LRRC69: variants seen among roughly 807,000 people sequenced by gnomAD.
LRRC69 encodes the protein leucine-rich repeat-containing protein 69.
LRRC69 carries 42 observed loss-of-function variants against 37.8 expected under a neutral mutation model. The ratio of observed to expected loss-of-function variants is 1.11; its 90% CI spans 0.87 to 1.44. The LOEUF is 1.44. LRRC69 is among the 40% of genes most tolerant of loss of function. The pLI is 0.00. For missense variants in LRRC69, 357 were observed against 401.9 expected, an observed-to-expected ratio of 0.89 and a Z score of 0.96; for synonymous variants, 141 against 143.1, an observed-to-expected ratio of 0.99 and a Z score of 0.11.
At chr8:91,214,638 GA>G in intron 7 of LRRC69, among the ~76,000 whole-genome samples, 1 of 152,226 alleles carries the variant, frequency 6.6e-6, no homozygotes, top group South Asian at 2.1e-4. Context: ...TTTGGACAAT[GA>G]AGGGATTAGA....
intron 5 of LRRC69, among the ~76,000 whole-genome samples, chr8:91,182,179 C>A (rs1355342428): frequency 2.0e-5 from 3 of 151,904 alleles, no homozygotes; most frequent in Non-Finnish European, 2.9e-5. Flanking sequence ...ACTATACAAC[C>A]CATTGACAAC....
At chr8:91,150,512 T>A (rs924354075) in intron 5 of LRRC69, among the ~76,000 whole-genome samples, 4 of 152,044 alleles carry the variant, frequency 2.6e-5, no homozygotes, top group Non-Finnish European at 5.9e-5. Context: ...GATTTTTGCG[T>A]CAATGTTCAT....
intron 5 of LRRC69, chr8:91,158,349 A>T: frequency 6.9e-7 from 1 of 1,454,440 alleles, no homozygotes; most frequent in Non-Finnish European, 9.6e-7. Context: ...TTTGATGAGA[A>T]TGAATCTTGG....
chr8:91,130,404 A>G (rs917806105), intron 3 of LRRC69: 3 of 152,018 alleles, frequency 2.0e-5, no homozygotes, highest in African/African-American at 7.2e-5. Flanking sequence ...CCTCCCGAGT[A>G]GCTGGTATTA....
chr8:91,114,794 C>T (rs952533656), intron 1 of LRRC69, among the ~76,000 whole-genome samples: 1 of 151,906 alleles, frequency 6.6e-6, no homozygotes, highest in Non-Finnish European at 1.5e-5. Flanking sequence ...AATTGCCTAA[C>T]GATGCATTTC....
chr8:91,119,339 A>G (rs1000397525), intron 1 of LRRC69, among the ~76,000 whole-genome samples: 2 of 152,050 alleles, frequency 1.3e-5, no homozygotes, highest in African/African-American at 2.4e-5. Context: ...AGAGACATTT[A>G]TGAATTTAAA....
chr8:91,154,955 AT>A (rs1563607538), intron 5 of LRRC69, among the ~76,000 whole-genome samples: 1 of 151,696 alleles, frequency 6.6e-6, no homozygotes, highest in Non-Finnish European at 1.5e-5. Flanking sequence ...AGATGACACG[AT>A]CCTATATCCA....
At chr8:91,165,007 C>T (rs1809003811) in intron 5 of LRRC69, among the ~76,000 whole-genome samples, 1 of 151,576 alleles carries the variant, frequency 6.6e-6, no homozygotes, top group South Asian at 2.1e-4. Context: ...CCTATAGGCT[C>T]ACTTTAGAAA....
At chr8:91,176,134 A>ATATATATATATATATTTTTTTTT in intron 5 of LRRC69, among the ~76,000 whole-genome samples, 3 of 75,700 alleles carry the variant, frequency 4.0e-5, no homozygotes, top group East Asian at 3.4e-4. Context: ...ATATATATAT[A>ATATATATATATATATTTTTTTTT]TTTTTTTTTT....
At chr8:91,136,652 C>G (rs1438296139) in intron 5 of LRRC69, among the ~76,000 whole-genome samples, 1 of 151,988 alleles carries the variant, frequency 6.6e-6, no homozygotes, top group Non-Finnish European at 1.5e-5. Context: ...ATCCATTCAA[C>G]TCCAACTCCC....
chr8:91,137,926 A>C (rs1224759577), intron 5 of LRRC69, among the ~76,000 whole-genome samples: 1 of 152,060 alleles, frequency 6.6e-6, no homozygotes, highest in Non-Finnish European at 1.5e-5. Flanking sequence ...CTTTTTGTGA[A>C]ACACAGTAGT....
intron 5 of LRRC69, among the ~76,000 whole-genome samples, chr8:91,166,422 G>A (rs1276303231): frequency 6.8e-6 from 1 of 146,734 alleles, no homozygotes; most frequent in Non-Finnish European, 1.5e-5. Context: ...TACATATATG[G>A]GAGTCCTCTG....
intron 1 of LRRC69, chr8:91,118,351 CAAAAAAAAAAAAA>C (rs10525965): frequency 8.0e-5 from 8 of 99,754 alleles, no homozygotes; most frequent in Admixed American, 3.7e-4. Flanking sequence ...ACTAAAAATG[CAAAAAAAAAAAAA>C]AAAAAAAAAA....
chr8:91,112,438 G>A (rs924831037), intron 1 of LRRC69, among the ~76,000 whole-genome samples: 3 of 151,844 alleles, frequency 2.0e-5, no homozygotes. Flanking sequence ...CCCAATATAT[G>A]CAAATCAATC....
At chr8:91,155,220 T>C (rs930458131) in intron 5 of LRRC69, among the ~76,000 whole-genome samples, 1 of 148,404 alleles carries the variant, frequency 6.7e-6, no homozygotes, top group Non-Finnish European at 1.5e-5. Context: ...TTTAACTGAC[T>C]ACCCTAAAAA....
At chr8:91,175,167 A>G (rs1170264082) in intron 5 of LRRC69, among the ~76,000 whole-genome samples, 1 of 151,898 alleles carries the variant, frequency 6.6e-6, no homozygotes, top group Admixed American at 6.6e-5. Context: ...CACAGGGAGG[A>G]GTAGGGAAAA....
intron 5 of LRRC69, among the ~76,000 whole-genome samples, chr8:91,160,215 T>C (rs1808914028): frequency 1.3e-5 from 2 of 151,166 alleles, no homozygotes; most frequent in Admixed American, 1.3e-4. Context: ...CTACTGATTT[T>C]TGTTTGGTTG....
At chr8:91,216,432 G>T (rs980147647) in intron 7 of LRRC69, among the ~76,000 whole-genome samples, 1 of 152,080 alleles carries the variant, frequency 6.6e-6, no homozygotes, top group East Asian at 1.9e-4. Flanking sequence ...ATCAGATGTC[G>T]AACTTGTTTC....
Position 91,117,706 on chromosome 8 carries a change from A to G in LRRC69, c.184-6787A>G, listed in dbSNP as rs986272227. Among the ~76,000 whole-genome samples, 3 of 151,756 alleles carry G rather than the reference A, an allele frequency of 2.0e-5. No individual in the cohort carries two copies. The East Asian group carries it at 5.8e-4, about 29-fold the overall frequency. On this transcript the variant is annotated intron_variant, in intron 1 of 7. Coordinates refer to ENST00000448384, the Ensembl canonical transcript of LRRC69. ...TTTTTATTGGCCACAGACAAAACTA[A>G]TTATGCACCAACAATGTGCCTTGTT...
Sources: gnomAD v4.1 joint callset for allele counts (sites outside exome capture counted in the v4.1 genomes callset) on GRCh38, gnomAD v4.1.1 for gene constraint, MANE v1.5 for transcripts, NCBI Gene and HGNC (gene_info 2026-07-23, HGNC 2026-07-21) for gene names.